The following MLLT3 variants were observed in gnomAD, a reference collection of about 807,000 sequenced individuals.
MLLT3 encodes protein AF-9.
In MLLT3, 4 loss-of-function variants were observed where a neutral mutation model predicts 53.2. The observed-to-expected ratio is 0.08, with a 90% confidence interval of 0.04 to 0.17. The LOEUF (loss-of-function observed/expected upper bound fraction) is 0.17, where lower values mean the gene tolerates loss of function less well. Ranked by LOEUF, MLLT3 falls within the 10% of genes least tolerant of loss-of-function variation. The probability of loss-of-function intolerance (pLI) is 1.00; values close to 1 mark genes in which losing one functional copy is unlikely to be tolerated. For missense variants in MLLT3, 569 were observed against 684.0 expected (o/e 0.83, Z 1.87); for synonymous variants, 283 against 230.6 (o/e 1.23, Z -2.06).
At position 20,342,852 on chromosome 9, in the gene MLLT3, G is replaced by A. The variant is rs201137442; in HGVS notation, c.*3591C>T. 24 of 150,300 alleles carry A rather than the reference G, an allele frequency of 1.6e-4. No individual in the cohort carries two copies. The South Asian group carries it at 4.7e-3, about 30-fold the overall frequency. The allele number at this position is 150,300 out of a possible 1,614,324, so 9.3% of individuals were successfully genotyped here. A position where few individuals can be genotyped will look rare whatever the true frequency, so the allele number is the denominator to read the frequency against. ...TATATGTGTATATATATATATATAT[G>A]TATATATAAATATAGGAGCAGTACA... On this transcript the variant is annotated 3_prime_UTR_variant, in exon 11 of 11. Coordinates refer to ENST00000380338, the MANE Select transcript of MLLT3 (RefSeq NM_004529.4).
chr9:20,588,450 G>A (rs547127750), intron 2 of MLLT3, among the ~76,000 whole-genome samples: 19 of 152,166 alleles, frequency 1.2e-4, no homozygotes, highest in South Asian at 2.1e-4. Flanking sequence ...CCATTTTCAC[G>A]ATATTGATTC....
chr9:20,521,916 T>G (rs1818072409), intron 2 of MLLT3, among the ~76,000 whole-genome samples: 1 of 151,440 alleles, frequency 6.6e-6, no homozygotes, highest in African/African-American at 2.4e-5. Flanking sequence ...GAGGAAAGAA[T>G]GAAGAAGAAA....
chr9:20,459,806 A>G (rs184072900), intron 2 of MLLT3, among the ~76,000 whole-genome samples: 108 of 152,300 alleles, frequency 7.1e-4, no homozygotes, highest in Admixed American at 4.2e-3. Context: ...CTGTTTACCA[A>G]TTCATATAAT....
intron 4 of MLLT3, among the ~76,000 whole-genome samples, chr9:20,439,732 T>C (rs1823497191): frequency 6.6e-6 from 1 of 152,166 alleles, no homozygotes; most frequent in South Asian, 2.1e-4. Context: ...ATGCGTTATG[T>C]TTAATATATT....
intron 5 of MLLT3, among the ~76,000 whole-genome samples, chr9:20,377,615 A>G (rs905509357): frequency 1.3e-5 from 2 of 152,190 alleles, no homozygotes; most frequent in African/African-American, 4.8e-5. Flanking sequence ...TAAAATGTTC[A>G]TAAAGCATTT....
At chr9:20,352,860 T>A (rs1160847190) in intron 10 of MLLT3, among the ~76,000 whole-genome samples, 2 of 151,926 alleles carry the variant, frequency 1.3e-5, no homozygotes, top group African/African-American at 4.8e-5. Flanking sequence ...CACATTCTTC[T>A]CTTTGGGTGT....
rs190130796 is a variant in MLLT3, at chr9:20,475,257, G to A, written c.194-18471C>T. 1.4e-3 allele frequency among the ~76,000 whole-genome samples: 219 copies of A among 152,160 alleles called. 2 individuals are homozygous for A. The highest frequency in any genetic ancestry group is 6.8e-3 in the Middle Eastern group (2 of 294). On this transcript the variant is annotated intron_variant, in intron 2 of 10. Transcript: ENST00000380338. ...TTGACTGTTAACGACTGTGCTTTCT[G>A]CAGTAAATTTCTACAATGTGAAAGA...
At chr9:20,526,242 T>C (rs554358724) in intron 2 of MLLT3, among the ~76,000 whole-genome samples, 1 of 152,262 alleles carries the variant, frequency 6.6e-6, no homozygotes, top group African/African-American at 2.4e-5. Flanking sequence ...ATAATAGGTA[T>C]ACAGTTTGAT....
At chr9:20,583,745 G>C (rs1425507843) in intron 2 of MLLT3, among the ~76,000 whole-genome samples, 1 of 152,112 alleles carries the variant, frequency 6.6e-6, no homozygotes, top group Non-Finnish European at 1.5e-5. Context: ...AGGACACCAA[G>C]TCCCTATGCT....
At chr9:20,438,033 T>TA (rs1823448419) in intron 4 of MLLT3, among the ~76,000 whole-genome samples, 1 of 152,186 alleles carries the variant, frequency 6.6e-6, no homozygotes, top group Admixed American at 6.5e-5. Context: ...CAGACCTTTA[T>TA]AGATATCTAT....
chr9:20,515,790 G>T (rs1420333686), intron 2 of MLLT3, among the ~76,000 whole-genome samples: 2 of 152,110 alleles, frequency 1.3e-5, no homozygotes, highest in African/African-American at 4.8e-5. Flanking sequence ...AGCCTCTTTT[G>T]AGGATCTCCC....
At chr9:20,524,110 G>A (rs1366823628) in intron 2 of MLLT3, among the ~76,000 whole-genome samples, 1 of 152,054 alleles carries the variant, frequency 6.6e-6, no homozygotes, top group Non-Finnish European at 1.5e-5. Flanking sequence ...ATTCTATAAT[G>A]GTGGATAGAT....
intron 5 of MLLT3, among the ~76,000 whole-genome samples, chr9:20,413,252 T>C (rs1019842334): frequency 6.6e-6 from 1 of 152,244 alleles, no homozygotes; most frequent in Non-Finnish European, 1.5e-5. Context: ...AAAAAAATAC[T>C]ATCACCAGCC....
chr9:20,615,704 A>T (rs1218070800), intron 2 of MLLT3, among the ~76,000 whole-genome samples: 1 of 151,904 alleles, frequency 6.6e-6, no homozygotes, highest in African/African-American at 2.4e-5. Flanking sequence ...GGTGACGTTA[A>T]ATCTATATAT....
Position 20,413,841 on chromosome 9 carries a change from C to A in MLLT3, c.1005G>T (p.Met335Ile). The change falls in exon 5 of 11, where the codon ATG becomes ATT. Residue 335 changes from methionine to isoleucine, a missense_variant. Met to Ile is a conservative substitution (Grantham distance 10, BLOSUM62 1). Coordinates refer to ENST00000380338, the MANE Select transcript of MLLT3 (RefSeq NM_004529.4). ...TCTCACTTTCAATTTTGACCTTTCC[C>A]ATCTTGACATGAGATTTATCTTTTA... is the stretch of plus-strand genomic sequence containing the variant. Reference protein sequence around the residue: ...KQIKDKSHVKMGKVKIESETS... With the variant: ...KQIKDKSHVKIGKVKIESETS... The A allele has an allele frequency of 6.2e-7, 1 of 1,614,032 alleles. No individual in the cohort carries two copies. The highest frequency in any genetic ancestry group is 2.2e-5 in the East Asian group (1 of 44,870).
chr9:20,386,669 A>C (rs980405821), intron 5 of MLLT3, among the ~76,000 whole-genome samples: 1 of 152,242 alleles, frequency 6.6e-6, no homozygotes, highest in Non-Finnish European at 1.5e-5. Flanking sequence ...TGAGACAGCC[A>C]AGTGAATATG....
At chr9:20,475,112 T>C (rs1355564420) in intron 2 of MLLT3, among the ~76,000 whole-genome samples, 3 of 152,076 alleles carry the variant, frequency 2.0e-5, no homozygotes, top group Non-Finnish European at 4.4e-5. Context: ...GCTTAAGAGT[T>C]GATTCATGCA....
At chr9:20,530,602 C>T (rs984053793) in intron 2 of MLLT3, among the ~76,000 whole-genome samples, 1 of 152,194 alleles carries the variant, frequency 6.6e-6, no homozygotes, top group African/African-American at 2.4e-5. Context: ...CTGGTAAATA[C>T]ATGCATAAAA....
At chr9:20,447,340 G>C (rs894631435) in intron 4 of MLLT3, among the ~76,000 whole-genome samples, 1 of 152,132 alleles carries the variant, frequency 6.6e-6, no homozygotes, top group African/African-American at 2.4e-5. Context: ...AGATGATCCT[G>C]GAGAAAAGAA....
Sources: gnomAD v4.1 joint callset for allele counts (sites outside exome capture counted in the v4.1 genomes callset) on GRCh38, gnomAD v4.1.1 for gene constraint, MANE v1.5 for transcripts, NCBI Gene and HGNC (gene_info 2026-07-23, HGNC 2026-07-21) for gene names.